Variants in MAB21L3 observed in about 807,000 individuals in gnomAD.
The protein encoded by MAB21L3 is protein mab-21-like 3.
MAB21L3 carries 36 observed loss-of-function variants against 37.7 expected under a neutral mutation model. The ratio of observed to expected loss-of-function variants is 0.96; its 90% CI spans 0.73 to 1.26. The LOEUF is 1.26. Among genes scored for constraint, MAB21L3 ranks in the 50% most tolerant of loss-of-function variants. The pLI is 0.00. For missense variants in MAB21L3, 430 were observed against 447.3 expected (o/e 0.96, Z 0.35); for synonymous variants, 186 against 176.8 (o/e 1.05, Z -0.41).
At chr1:116,127,745 G>A (rs1659950603) in intron 6 of MAB21L3, 101 bp downstream of exon 6, 3 of 1,271,624 alleles carry the variant, frequency 2.4e-6, no homozygotes, top group Non-Finnish European at 2.1e-6. Flanking sequence ...GAAAGTTGAG[G>A]TGTTACTAGA....
At chr1:116,121,774 G>A (rs1659756820) in intron 4 of MAB21L3, among the ~76,000 whole-genome samples, 1 of 152,224 alleles carries the variant, frequency 6.6e-6, no homozygotes, top group South Asian at 2.1e-4. Context: ...AGGCAACACA[G>A]TAGTGAGGGC....
At chr1:116,118,353 G>A (rs1421236951) in intron 3 of MAB21L3, among the ~76,000 whole-genome samples, 1 of 151,234 alleles carries the variant, frequency 6.6e-6, no homozygotes, top group Admixed American at 6.6e-5. Flanking sequence ...CTGCACTCCA[G>A]CCTGGCGACA....
rs1056609893 is a variant in MAB21L3, at chr1:116,136,673, T to C, written c.*3308T>C. Among the ~76,000 whole-genome samples, 1 of 152,102 alleles carries C rather than the reference T, an allele frequency of 6.6e-6. No homozygotes were observed. The highest frequency in any genetic ancestry group is 1.5e-5 in the Non-Finnish European group (1 of 68,034). On this transcript the variant is annotated 3_prime_UTR_variant, in exon 8 of 8. Transcript: ENST00000369500. ...AAAGAGCCTGCATTGCCAAGTCAAT[T>C]CTAAGCCAAAAGAACAAAGCTGGAG...
At chr1:116,112,687 C>T in intron 3 of MAB21L3, 24 bp downstream of exon 3, 1 of 1,612,018 alleles carries the variant, frequency 6.2e-7, no homozygotes, top group South Asian at 1.1e-5. Flanking sequence ...CGGTCTCTCC[C>T]ATGAACCCCC....
chr1:116,128,223 G>T lies in MAB21L3; in HGVS notation c.739G>T (p.Glu247Ter), dbSNP rs149122915. ...SFLRAEQVLL[E>*]QLDEDGGCRR... ...CCTCCGTGCTGAGCAGGTGTTACTGGAACAGCTGGATGAAGATGGGGGCTG... is the reference window on the plus strand; with the variant it reads ...CCTCCGTGCTGAGCAGGTGTTACTGTAACAGCTGGATGAAGATGGGGGCTG... Residue 247 changes from glutamate to a stop codon, truncating the protein, a stop_gained, in exon 7 of 8, where the codon GAA becomes TAA. Coordinates refer to ENST00000369500, the MANE Select transcript of MAB21L3 (RefSeq NM_152367.3). LOFTEE classifies it high-confidence loss of function. The T allele has an allele frequency of 2.2e-4, 362 of 1,614,028 alleles. No individual in the cohort carries two copies. The Middle Eastern group carries it at 3.5e-3, about 15-fold the overall frequency.
At chr1:116,124,036 T>G (rs1659824552) in intron 4 of MAB21L3, 30 bp from the exon 5 acceptor site, 1 of 1,562,882 alleles carries the variant, frequency 6.4e-7, no homozygotes. Context: ...TGTGAATTCA[T>G]GCTTGTTTTC....
rs1187077837 is a variant in MAB21L3, at chr1:116,133,525, T to C, written c.*160T>C. On this transcript the variant is annotated 3_prime_UTR_variant, in exon 8 of 8. Coordinates refer to ENST00000369500, the MANE Select transcript of MAB21L3 (RefSeq NM_152367.3). Reference sequence around the variant, plus strand: ...AGAAACACTTCAGCAGGGGGAAAACTGTGCCCCAGGATGTCTGGCCCAGGC... The same window carrying C: ...AGAAACACTTCAGCAGGGGGAAAACCGTGCCCCAGGATGTCTGGCCCAGGC... 8.8e-6 allele frequency: 6 copies of C among 678,764 alleles called. No individual in the cohort carries two copies. The highest frequency in any genetic ancestry group is 1.2e-5 in the Non-Finnish European group (5 of 404,304). 42.0% of individuals were successfully genotyped at this position (678,764 alleles called of 1,614,324 possible).
chr1:116,116,202 G>T (rs1659584126), intron 3 of MAB21L3, among the ~76,000 whole-genome samples: 1 of 152,132 alleles, frequency 6.6e-6, no homozygotes. Flanking sequence ...GTTCTGTGTT[G>T]TCACACCATG....
At chr1:116,117,994 T>A (rs1373782614) in intron 3 of MAB21L3, among the ~76,000 whole-genome samples, 1 of 152,132 alleles carries the variant, frequency 6.6e-6, no homozygotes, top group Non-Finnish European at 1.5e-5. Flanking sequence ...CACTGACTCT[T>A]TTCTCTCAGC....
chr1:116,128,744 G>T (rs1336063579), intron 7 of MAB21L3, among the ~76,000 whole-genome samples: 1 of 152,086 alleles, frequency 6.6e-6, no homozygotes, highest in Non-Finnish European at 1.5e-5. Context: ...CTTTATGTTT[G>T]CGCCAGTCTT....
At chr1:116,132,811 A>G (rs1660106307) in intron 7 of MAB21L3, among the ~76,000 whole-genome samples, 1 of 152,192 alleles carries the variant, frequency 6.6e-6, no homozygotes, top group Non-Finnish European at 1.5e-5. Flanking sequence ...TGGGTGCCGC[A>G]GTAGGCAAGA....
chr1:116,117,158 CATACATATATATATATATAT>C (rs946679255), intron 3 of MAB21L3, among the ~76,000 whole-genome samples: 9 of 86,110 alleles, frequency 1.0e-4, no homozygotes, highest in African/African-American at 4.1e-4. Flanking sequence ...TCAAAATATA[CATACATATATATATATATAT>C]ATATATATAT....
chr1:116,129,655 G>A (rs973328524), intron 7 of MAB21L3, among the ~76,000 whole-genome samples: 4 of 152,172 alleles, frequency 2.6e-5, no homozygotes, highest in Non-Finnish European at 5.9e-5. Flanking sequence ...GACCTAACTC[G>A]ATGTTCTTAT....
chr1:116,126,671 T>C (rs1461246662), intron 5 of MAB21L3, among the ~76,000 whole-genome samples: 4 of 152,212 alleles, frequency 2.6e-5, no homozygotes, highest in African/African-American at 9.6e-5. Context: ...GCATTAGCCT[T>C]CCCTATGTTT....
chr1:116,124,471 A>G, intron 5 of MAB21L3, 114 bp downstream of exon 5: 1 of 930,634 alleles, frequency 1.1e-6, no homozygotes, highest in Non-Finnish European at 1.6e-6. Flanking sequence ...GAAAATAATC[A>G]TGTGCTCTTC....
rs201318222 is a variant in MAB21L3, at chr1:116,124,147, C to A, written c.271C>A (p.Arg91=). The change falls in exon 5 of 8, where the codon CGG becomes AGG. Residue 91 remains arginine (R), a synonymous_variant. Coordinates refer to ENST00000369500, the MANE Select transcript of MAB21L3 (RefSeq NM_152367.3). The part of the protein sequence containing the change: ...GYREAREQHW[R]YYTLQGTRLP... ...CAGGGAGGCCAGGGAGCAGCACTGGCGGTACTACACACTGCAGGGCACCAG... is the reference window on the plus strand; with the variant it reads ...CAGGGAGGCCAGGGAGCAGCACTGGAGGTACTACACACTGCAGGGCACCAG... 3.7e-6 allele frequency: 6 copies of A among 1,614,186 alleles called. No individual in the cohort carries two copies.
Position 116,124,191 on chromosome 1 carries a change from G to A in MAB21L3, c.315G>A (p.Arg105=), listed in dbSNP as rs1458531655. ...LQGTRLPCPL[R]DPEGLQQWLE... ...GCACCAGGCTGCCCTGCCCGTTGCG[G>A]GACCCTGAGGGTCTGCAGCAGTGGC... Residue 105 remains arginine, a synonymous_variant, in exon 5 of 8, where the codon CGG becomes CGA. Transcript: ENST00000369500. The A allele has an allele frequency of 2.5e-6, 4 of 1,614,112 alleles. No homozygotes were observed. Among genetic ancestry groups the A allele is most frequent in the African/African-American group, 2.7e-5 (2 of 74,930 alleles).
intron 3 of MAB21L3, among the ~76,000 whole-genome samples, chr1:116,115,631 A>G (rs929128821): frequency 2.4e-4 from 36 of 152,190 alleles, no homozygotes; most frequent in African/African-American, 8.7e-4. Flanking sequence ...CTGGCATGCT[A>G]CTTAGCACCA....
chr1:116,119,052 A>C (rs1418242333), intron 3 of MAB21L3, among the ~76,000 whole-genome samples: 2 of 152,248 alleles, frequency 1.3e-5, no homozygotes, highest in Non-Finnish European at 2.9e-5. Context: ...CAAATTACTC[A>C]AATGGAATTG....
Sources: gnomAD v4.1 joint callset for allele counts (sites outside exome capture counted in the v4.1 genomes callset) on GRCh38, gnomAD v4.1.1 for gene constraint, MANE v1.5 for transcripts, NCBI Gene and HGNC (gene_info 2026-07-23, HGNC 2026-07-21) for gene names.